UNC5C: variants seen among roughly 807,000 people sequenced by gnomAD.
The protein encoded by UNC5C is unc-5 netrin receptor C.
UNC5C carries 47 observed loss-of-function variants against 99.8 expected under a neutral mutation model. That is an observed-to-expected ratio of 0.47 (90% CI 0.37 to 0.60). The LOEUF is 0.60. UNC5C is among the 20% of genes least tolerant of loss of function. UNC5C has a pLI of 0.00. For synonymous variants in UNC5C, 487 were observed against 452.2 expected, an observed-to-expected ratio of 1.08 and a Z score of -0.98; for missense variants, 1,062 against 1,165.9, an observed-to-expected ratio of 0.91 and a Z score of 1.30.
At chr4:95,233,384 T>A (rs1738983966) in intron 7 of UNC5C, among the ~76,000 whole-genome samples, 1 of 152,224 alleles carries the variant, frequency 6.6e-6, no homozygotes, top group African/African-American at 2.4e-5. Context: ...AGTTCAGATT[T>A]GAACTGTTAA....
intron 1 of UNC5C, among the ~76,000 whole-genome samples, chr4:95,461,356 A>T (rs773139609): frequency 1.0e-5 from 1 of 97,716 alleles, no homozygotes; most frequent in Non-Finnish European, 2.0e-5. Flanking sequence ...GAAATCAAAA[A>T]AAGAAGATGT....
At chr4:95,533,869 T>A (rs1722711940) in intron 1 of UNC5C, among the ~76,000 whole-genome samples, 1 of 152,164 alleles carries the variant, frequency 6.6e-6, no homozygotes, top group African/African-American at 2.4e-5. Flanking sequence ...GTTGTTTTGT[T>A]TTTTCCTCCC....
intron 14 of UNC5C, among the ~76,000 whole-genome samples, chr4:95,177,348 G>GTGTT (rs1736406583): frequency 6.6e-6 from 1 of 152,206 alleles, no homozygotes; most frequent in Non-Finnish European, 1.5e-5. Flanking sequence ...CCATCATGAA[G>GTGTT]TGTTTGGTTC....
intron 4 of UNC5C, among the ~76,000 whole-genome samples, chr4:95,270,419 T>C (rs1348293326): frequency 1.6e-5 from 2 of 122,278 alleles, no homozygotes; most frequent in Non-Finnish European, 4.0e-5. Context: ...CTTTAGACAA[T>C]GGTAAAAAAT....
chr4:95,340,437 CA>C (rs1743523911), intron 1 of UNC5C, among the ~76,000 whole-genome samples: 1 of 151,974 alleles, frequency 6.6e-6, no homozygotes, highest in East Asian at 1.9e-4. Flanking sequence ...AGAGATAATT[CA>C]TGATATATTA....
rs368206783 is a variant in UNC5C at position 95,198,145 on chromosome 4, C to T, written c.2136+4586G>A. On this transcript the variant is annotated intron_variant, in intron 12 of 15. Transcript: ENST00000453304. ...TGGGATTTACAGGGGCACACCACCA[C>T]GCCCAGCTAATTTTTACATTTTCAG... Among the ~76,000 whole-genome samples, 18 of 152,180 alleles carry T rather than the reference C, an allele frequency of 1.2e-4. No individual in the cohort carries two copies. The East Asian group carries it at 2.3e-3, about 20-fold the overall frequency.
At chr4:95,323,571 A>T (rs1742777506) in intron 2 of UNC5C, among the ~76,000 whole-genome samples, 1 of 152,210 alleles carries the variant, frequency 6.6e-6, no homozygotes, top group Admixed American at 6.5e-5. Context: ...ATAATGCTCA[A>T]AAGGGTAAAG....
intron 1 of UNC5C, among the ~76,000 whole-genome samples, chr4:95,412,496 T>C (rs944901085): frequency 3.9e-5 from 6 of 152,132 alleles, no homozygotes; most frequent in Non-Finnish European, 8.8e-5. Context: ...TTTTCAAGTA[T>C]TGAGAGCTGT....
In UNC5C at chr4:95,548,800, G is replaced by T. The variant is rs1016604244; in HGVS notation, c.58C>A (p.Leu20Met). The T allele has an allele frequency of 2.5e-6, 4 of 1,613,424 alleles. No homozygotes were observed. The African/African-American group carries it at 4.0e-5, about 16-fold the overall frequency. ...AGGGCAGGTAGCACGAGCATTTGCAGCAAGTATCCCAGTCCCAGTCCGCAG... is the reference window on the plus strand; with the variant it reads ...AGGGCAGGTAGCACGAGCATTTGCATCAAGTATCCCAGTCCCAGTCCGCAG... ...ARCGLGLGYL[L>M]QMLVLPALAL... is the part of the protein sequence containing the mutation. Residue 20 changes from leucine (L) to methionine (M), a missense_variant, in exon 1 of 16, where the codon CTG (leucine) becomes ATG (methionine). Around this residue, in one of 3 missense-constraint regions of UNC5C, gnomAD observed 249 missense variants for 295.1 expected, o/e 0.84. Coordinates refer to ENST00000453304, the MANE Select transcript of UNC5C (RefSeq NM_003728.4).
At chr4:95,401,945 G>C (rs1406075447) in intron 1 of UNC5C, among the ~76,000 whole-genome samples, 13 of 152,226 alleles carry the variant, frequency 8.5e-5, no homozygotes, top group African/African-American at 3.1e-4. Flanking sequence ...CTTTTCGAAA[G>C]TGGTATCTTA....
rs562055147 is a variant in UNC5C, at chr4:95,169,544, A to T, written c.2631-145T>A. On this transcript the variant is annotated intron_variant, in intron 15 of 15. Transcript: ENST00000453304. ...GTGAGCCATCCTAAATAACTAGCCC[A>T]TGCTTAATTAGATCAGCCCCAGACA... is the stretch of plus-strand genomic sequence containing the variant. 2.6e-4 allele frequency: 222 copies of T among 847,882 alleles called. No individual in the cohort carries two copies. In the Middle Eastern group the frequency reaches 5.2e-3, roughly 20 times the overall value. 52.5% of individuals were successfully genotyped at this position (847,882 alleles called of 1,614,324 possible).
At chr4:95,410,555 G>C (rs1182377721) in intron 1 of UNC5C, among the ~76,000 whole-genome samples, 1 of 152,198 alleles carries the variant, frequency 6.6e-6, no homozygotes, top group Non-Finnish European at 1.5e-5. Context: ...CAGACTCAGA[G>C]CTGAAGTGCA....
At chr4:95,280,706 C>CAACAACAACAAG (rs1420909193) in intron 3 of UNC5C, among the ~76,000 whole-genome samples, 1 of 151,768 alleles carries the variant, frequency 6.6e-6, no homozygotes, top group East Asian at 1.9e-4. Flanking sequence ...ACAACAACAA[C>CAACAACAACAAG]AACAAGAAAT....
chr4:95,500,070 C>A (rs1033999158), intron 1 of UNC5C, among the ~76,000 whole-genome samples: 1 of 152,068 alleles, frequency 6.6e-6, no homozygotes, highest in African/African-American at 2.4e-5. Flanking sequence ...AACCAATTGA[C>A]ATGGAAACTT....
intron 2 of UNC5C, among the ~76,000 whole-genome samples, chr4:95,319,745 C>T (rs1365989500): frequency 6.6e-6 from 1 of 152,090 alleles, no homozygotes; most frequent in Admixed American, 6.5e-5. Flanking sequence ...TTTGATTGTT[C>T]ATCGATTGTG....
At chr4:95,304,872 A>G (rs1211343354) in intron 2 of UNC5C, among the ~76,000 whole-genome samples, 1 of 152,180 alleles carries the variant, frequency 6.6e-6, no homozygotes, top group Admixed American at 6.5e-5. Context: ...CTTTTACTTA[A>G]AGCAATTACA....
chr4:95,540,183 A>G (rs1416135897), intron 1 of UNC5C, among the ~76,000 whole-genome samples: 2 of 152,178 alleles, frequency 1.3e-5, no homozygotes, highest in Non-Finnish European at 2.9e-5. Flanking sequence ...ACTTCTTACA[A>G]GTTTATACCT....
At chr4:95,270,066 T>G (rs372987301) in intron 4 of UNC5C, among the ~76,000 whole-genome samples, 1 of 152,168 alleles carries the variant, frequency 6.6e-6, no homozygotes, top group African/African-American at 2.4e-5. Flanking sequence ...TTCTGTAGAC[T>G]TTCACAGGTA....
intron 1 of UNC5C, among the ~76,000 whole-genome samples, chr4:95,511,639 T>C (rs1224480914): frequency 6.6e-6 from 1 of 152,142 alleles, no homozygotes; most frequent in African/African-American, 2.4e-5. Context: ...GTTTCATGGA[T>C]ACAACAGTAA....
Sources: allele counts gnomAD v4.1 joint callset (sites outside exome capture counted in the v4.1 genomes callset), GRCh38; gene constraint gnomAD v4.1.1; regional missense constraint gnomAD v4.1.1; transcripts MANE v1.5; gene names NCBI Gene and HGNC (gene_info 2026-07-23, HGNC 2026-07-21).